RBMS2: variants seen among roughly 807,000 people sequenced by gnomAD.
The protein encoded by RBMS2 is RNA binding motif single stranded interacting protein 2.
In RBMS2, 38 loss-of-function variants were observed where a neutral mutation model predicts 58.4. The ratio of observed to expected loss-of-function variants is 0.65; its 90% CI spans 0.50 to 0.85. The LOEUF (loss-of-function observed/expected upper bound fraction) is 0.85. Among genes scored for constraint, RBMS2 ranks in the 40% least tolerant of loss-of-function variants. The pLI is 0.00. For synonymous variants in RBMS2, 151 were observed against 180.7 expected, an observed-to-expected ratio of 0.84 and a Z score of 1.32; for missense variants, 367 against 503.7, an observed-to-expected ratio of 0.73 and a Z score of 2.60.
chr12:56,588,877 G>A, intron 12 of RBMS2, 55 bp from the exon 13 acceptor site: 1 of 1,566,636 alleles, frequency 6.4e-7, no homozygotes, highest in East Asian at 2.2e-5. Flanking sequence ...GGCTGCTGTA[G>A]TGGAGGTGAG....
chr12:56,543,483 TC>T (rs1291051778), intron 1 of RBMS2, among the ~76,000 whole-genome samples: 6 of 143,980 alleles, frequency 4.2e-5, no homozygotes, highest in African/African-American at 1.5e-4. Context: ...AGACTCTGTC[TC>T]AAAAAAAAAA....
chr12:56,538,215 T>A (rs1423794222), intron 1 of RBMS2, among the ~76,000 whole-genome samples: 1 of 151,806 alleles, frequency 6.6e-6, no homozygotes, highest in Non-Finnish European at 1.5e-5. Flanking sequence ...GTATTTTTAG[T>A]AGAGATGGGG....
At chr12:56,569,475 C>T (rs1965584) in intron 3 of RBMS2, among the ~76,000 whole-genome samples, 139,995 of 152,152 alleles carry the variant, frequency 0.92, 65,303 homozygotes, top group East Asian at 1. Context: ...GGGCTATAAG[C>T]TGGGGTGGTG....
At chr12:56,541,557 C>T (rs1322438363) in intron 1 of RBMS2, among the ~76,000 whole-genome samples, 2 of 152,074 alleles carry the variant, frequency 1.3e-5, no homozygotes, top group African/African-American at 4.8e-5. Context: ...AAAAGTTTGA[C>T]AGAAATAAAG....
chr12:56,587,934 C>T (rs1018613694), intron 11 of RBMS2, among the ~76,000 whole-genome samples: 13 of 152,138 alleles, frequency 8.5e-5, no homozygotes, highest in East Asian at 1.9e-4. Context: ...GATACACACA[C>T]GTCCTAGGAA....
chr12:56,593,388 TC>T lies in RBMS2; in HGVS notation c.*4257del, dbSNP rs1020240483. 1.3e-4 allele frequency: 20 copies of T among 151,918 alleles called. No homozygotes were observed. Among genetic ancestry groups the T allele is most frequent in the African/African-American group, 4.6e-4 (19 of 41,440 alleles). The allele number at this position is 151,918 out of a possible 1,614,324, so 9.4% of individuals were successfully genotyped here. A position where few individuals can be genotyped will look rare whatever the true frequency, so the allele number is the denominator to read the frequency against. Reference sequence around the variant, plus strand: ...CCAGGCTAGTGTCCAACTCCTGACCTCCAAACAGCTAATTTTTGTATTTTTA... The same window carrying T: ...CCAGGCTAGTGTCCAACTCCTGACCTCAAACAGCTAATTTTTGTATTTTTA... On this transcript the variant is annotated 3_prime_UTR_variant, in exon 14 of 14. Transcript: ENST00000262031.
Position 56,588,338 on chromosome 12 carries a change from G to GT in RBMS2, c.1108dup (p.Tyr370LeufsTer82), listed in dbSNP as rs1325830399. The GT allele has an allele frequency of 6.2e-7, 1 of 1,613,774 alleles. No homozygotes were observed. The highest frequency in any genetic ancestry group is 8.5e-7 in the Non-Finnish European group (1 of 1,179,860). On this transcript the variant is annotated frameshift_variant, in exon 12 of 14. Transcript: ENST00000262031. LOFTEE classifies it high-confidence loss of function. ...CTATGCAAGGAGCTTACATCTCCCA[G>GT]TACACCCCTGTGCCTTCTTCCAGTG... is the stretch of plus-strand genomic sequence containing the variant.
Position 56,589,038 on chromosome 12 carries a change from G to A in RBMS2, c.*6+20G>A, listed in dbSNP as rs749566800. On this transcript the variant is annotated intron_variant, in intron 13 of 13. Transcript: ENST00000262031. Reference sequence around the variant, plus strand: ...CAGTGGGTAAGAACCACATGCTGGGGGGCAGGGAGGGCTGCACTGGCAGAC... The same window carrying A: ...CAGTGGGTAAGAACCACATGCTGGGAGGCAGGGAGGGCTGCACTGGCAGAC... 1.9e-6 allele frequency: 3 copies of A among 1,613,890 alleles called. No individual in the cohort carries two copies. The highest frequency in any genetic ancestry group is 1.6e-4 in the Middle Eastern group (1 of 6,062).
intron 2 of RBMS2, 109 bp downstream of exon 2, chr12:56,562,692 A>G: frequency 8.1e-7 from 1 of 1,239,412 alleles, no homozygotes; most frequent in Non-Finnish European, 1.2e-6. Flanking sequence ...GGCTCAAGTG[A>G]TCCTCCTGTC....
chr12:56,550,824 A>C (rs1878122268), intron 1 of RBMS2, among the ~76,000 whole-genome samples: 1 of 151,894 alleles, frequency 6.6e-6, no homozygotes, highest in Non-Finnish European at 1.5e-5. Context: ...CCTGGGTGAC[A>C]GAGCAAGACT....
At chr12:56,588,752 GAGGACAGGCTGT>G in intron 12 of RBMS2, 168 bp from the exon 13 acceptor site, 1 of 649,672 alleles carries the variant, frequency 1.5e-6, no homozygotes. Context: ...GTCTTGGGAA[GAGGACAGGCTGT>G]AGGAAGGTTG....
intron 9 of RBMS2, among the ~76,000 whole-genome samples, chr12:56,585,370 T>C (rs1884545866): frequency 6.6e-6 from 1 of 152,248 alleles, no homozygotes; most frequent in African/African-American, 2.4e-5. Flanking sequence ...CAATTTTAAT[T>C]GAAATGTCCT....
At chr12:56,557,030 C>T (rs1879349076) in intron 1 of RBMS2, among the ~76,000 whole-genome samples, 1 of 151,998 alleles carries the variant, frequency 6.6e-6, no homozygotes, top group South Asian at 2.1e-4. Context: ...TAAGCCATTG[C>T]CTACCCTAGC....
At chr12:56,587,507 C>G (rs560275630) in intron 10 of RBMS2, 47 bp from the exon 11 acceptor site, 1 of 1,589,998 alleles carries the variant, frequency 6.3e-7, no homozygotes, top group Non-Finnish European at 8.6e-7. Context: ...CTTTAGGCAG[C>G]CTCACAGGAT....
At chr12:56,555,588 CTA>C (rs1879094991) in intron 1 of RBMS2, among the ~76,000 whole-genome samples, 1 of 151,496 alleles carries the variant, frequency 6.6e-6, no homozygotes, top group Non-Finnish European at 1.5e-5. Context: ...GACTCCGCCT[CTA>C]TGCATTTTAT....
At chr12:56,540,598 T>C (rs553880674) in intron 1 of RBMS2, among the ~76,000 whole-genome samples, 2 of 152,124 alleles carry the variant, frequency 1.3e-5, no homozygotes, top group African/African-American at 4.8e-5. Flanking sequence ...CAGACTGATC[T>C]CGAACTCCTG....
In RBMS2 at chr12:56,595,442, A is replaced by G. The variant is rs1458994419; in HGVS notation, c.*6309A>G. ...ATATTTTTATCTGGAGACTTCTTCT[A>G]GTTTTATACTCTTCCCACATCTATG... On this transcript the variant is annotated 3_prime_UTR_variant, in exon 14 of 14. Coordinates refer to ENST00000262031, the MANE Select transcript of RBMS2 (RefSeq NM_002898.4). 6.6e-6 allele frequency: 1 copy of G among 152,074 alleles called. No homozygotes were observed. The highest frequency in any genetic ancestry group is 1.5e-5 in the Non-Finnish European group (1 of 67,996). 9.4% of individuals were successfully genotyped at this position (152,074 alleles called of 1,614,324 possible). A position where few individuals can be genotyped will look rare whatever the true frequency, so the allele number is the denominator to read the frequency against.
At chr12:56,554,625 A>G (rs1427095776) in intron 1 of RBMS2, among the ~76,000 whole-genome samples, 10 of 152,136 alleles carry the variant, frequency 6.6e-5, no homozygotes, top group Admixed American at 5.2e-4. Context: ...TAAATAGCTA[A>G]TGCATGTGAG....
intron 2 of RBMS2, among the ~76,000 whole-genome samples, chr12:56,568,162 C>T (rs1881690305): frequency 6.6e-6 from 1 of 152,172 alleles, no homozygotes; most frequent in Non-Finnish European, 1.5e-5. Context: ...AGCAATTTGG[C>T]TCAGGTTGAC....
Sources: gnomAD v4.1 joint callset for allele counts (sites outside exome capture counted in the v4.1 genomes callset) on GRCh38, gnomAD v4.1.1 for gene constraint, MANE v1.5 for transcripts, NCBI Gene and HGNC (gene_info 2026-07-23, HGNC 2026-07-21) for gene names.